PSMD1: variants seen among roughly 807,000 people sequenced by gnomAD.
The protein encoded by PSMD1 is proteasome 26S subunit, non-ATPase 1, also known as 26S proteasome non-ATPase regulatory subunit 1.
Under a neutral mutation model 119.0 loss-of-function variants are expected in PSMD1, and 18 were observed. That is an observed-to-expected ratio of 0.15 (90% CI 0.10 to 0.22). PSMD1 has a LOEUF of 0.22. PSMD1 is among the 10% of genes least tolerant of loss of function. PSMD1 has a pLI of 1.00. For synonymous variants in PSMD1, 374 were observed against 396.6 expected (o/e 0.94, Z 0.68); for missense variants, 702 against 1,158.5 (o/e 0.61, Z 5.72).
At chr2:231,061,423 A>G in intron 2 of PSMD1, 113 bp downstream of exon 2, 4 of 860,292 alleles carry the variant, frequency 4.6e-6, no homozygotes, top group Non-Finnish European at 7.0e-6. Flanking sequence ...GCTGGCTTGT[A>G]CCCAGTTACT....
At chr2:231,118,775 A>G (rs1276162683) in intron 16 of PSMD1, among the ~76,000 whole-genome samples, 1 of 152,220 alleles carries the variant, frequency 6.6e-6, no homozygotes, top group Non-Finnish European at 1.5e-5. Flanking sequence ...AATCTGGGAC[A>G]TAAAATGTTT....
At chr2:231,139,096 A>T (rs2125247730) in intron 17 of PSMD1, 3 of 520,940 alleles carry the variant, frequency 5.8e-6, no homozygotes, top group Non-Finnish European at 1.1e-5. Flanking sequence ...TCTTTTTGAA[A>T]TCATTGATTT....
At chr2:231,153,739 T>C in intron 19 of PSMD1, 73 bp downstream of exon 19, 1 of 1,070,984 alleles carries the variant, frequency 9.3e-7, no homozygotes. Context: ...GCTCTAACTA[T>C]ATGACATAAT....
Position 231,070,280 on chromosome 2 carries a change from T to A in PSMD1, c.654+112T>A. ...ACTATAATGGCTTTATACATGTATC[T>A]CAGCTGATCTTCACAGCAGCCCTGT... On this transcript the variant is annotated intron_variant, in intron 6 of 24. Coordinates refer to ENST00000308696, the MANE Select transcript of PSMD1 (RefSeq NM_002807.4). 3.4e-6 allele frequency: 3 copies of A among 872,214 alleles called. No homozygotes were observed. The South Asian group carries it at 1.7e-4, about 51-fold the overall frequency. 54.0% of individuals were successfully genotyped at this position (872,214 alleles called of 1,614,324 possible).
intron 4 of PSMD1, among the ~76,000 whole-genome samples, chr2:231,065,215 A>T (rs191482409): frequency 4.5e-4 from 68 of 151,774 alleles, no homozygotes; most frequent in African/African-American, 1.4e-3. Context: ...CCAATGAATT[A>T]TGGAGAGGAT....
Position 231,170,396 on chromosome 2 carries a change from A to G in PSMD1, c.2716-170A>G, listed in dbSNP as rs953065336. 2 of 627,210 alleles carry G rather than the reference A, an allele frequency of 3.2e-6. No individual in the cohort carries two copies. Among genetic ancestry groups the G allele is most frequent in the Non-Finnish European group, 4.9e-6 (2 of 410,070 alleles). The allele number at this position is 627,210 out of a possible 1,614,324, so 38.9% of individuals were successfully genotyped here. The stretch of plus-strand genomic sequence containing the variant: ...CTAGAGCTACTGGGTTAAGTTTGCA[A>G]ATACTTCGTATAGATCACAGTTATC... On this transcript the variant is annotated intron_variant, in intron 23 of 24. Transcript: ENST00000308696. The surrounding 1 kb of genome is among the most constrained non-coding windows in gnomAD (Gnocchi z 4.1).
intron 16 of PSMD1, among the ~76,000 whole-genome samples, chr2:231,138,154 A>G (rs1696015858): frequency 1.3e-5 from 2 of 152,184 alleles, no homozygotes; most frequent in Non-Finnish European, 2.9e-5. Context: ...AGTTTGTCCT[A>G]TTTTTTATCT....
chr2:231,091,408 A>G (rs979215232), intron 16 of PSMD1, among the ~76,000 whole-genome samples: 3 of 152,120 alleles, frequency 2.0e-5, no homozygotes, highest in Non-Finnish European at 4.4e-5. Flanking sequence ...TAAGGTTTGC[A>G]TCTTTCCCTA....
chr2:231,060,265 T>C (rs975398979), intron 1 of PSMD1: 6 of 152,238 alleles, frequency 3.9e-5, no homozygotes, highest in Admixed American at 3.9e-4. Context: ...TATGCTACTT[T>C]AGTTTTGCTT....
intron 16 of PSMD1, among the ~76,000 whole-genome samples, chr2:231,098,952 A>C (rs960265035): frequency 1.3e-5 from 2 of 152,196 alleles, no homozygotes; most frequent in African/African-American, 4.8e-5. Flanking sequence ...AATTCTGAAT[A>C]TCTTTTTTAC....
chr2:231,164,620 C>T (rs1245462797), intron 21 of PSMD1, among the ~76,000 whole-genome samples: 1 of 151,838 alleles, frequency 6.6e-6, no homozygotes, highest in Admixed American at 6.6e-5. Flanking sequence ...TGTTTCAGAC[C>T]CTCCTTTGGG....
chr2:231,116,433 C>G (rs1052837205), intron 16 of PSMD1, among the ~76,000 whole-genome samples: 1 of 151,996 alleles, frequency 6.6e-6, no homozygotes, highest in Non-Finnish European at 1.5e-5. Context: ...CTCTCTGTAA[C>G]ATCTTTTAAA....
At chr2:231,057,092 G>A (rs781466572) in intron 1 of PSMD1, 51 bp downstream of exon 1, 1 of 1,476,766 alleles carries the variant, frequency 6.8e-7, no homozygotes, top group African/African-American at 1.5e-5. Flanking sequence ...CCGCCGCGCC[G>A]GCTTTTAGCT....
In PSMD1 at chr2:231,130,060, C is replaced by T. The variant is rs558333118; in HGVS notation, c.1884-8676C>T. ...GTAGAGACGGGCTTCACTGTGTTGG[C>T]CAGGCTGGTCTCAAACTCCTGACCT... On this transcript the variant is annotated intron_variant, in intron 16 of 24. Coordinates refer to ENST00000308696, the MANE Select transcript of PSMD1 (RefSeq NM_002807.4). 1.6e-4 allele frequency among the ~76,000 whole-genome samples: 25 copies of T among 152,226 alleles called. No individual in the cohort carries two copies. In the South Asian group the frequency reaches 5.2e-3, roughly 32 times the overall value.
In PSMD1 at chr2:231,123,903, AAAAATT is replaced by A. The variant is rs1250176470; in HGVS notation, c.1884-14832_1884-14827del. 4 of 715,106 alleles carry A rather than the reference AAAAATT, an allele frequency of 5.6e-6. No homozygotes were observed. The Admixed American group carries it at 8.3e-5, about 15-fold the overall frequency. 44.3% of individuals were successfully genotyped at this position (715,106 alleles called of 1,614,324 possible). On this transcript the variant is annotated intron_variant, in intron 16 of 24. Transcript: ENST00000308696. ...AAAGTTGACACCTTCCTTTAAAAAA[AAAAATT>A]CAAGTTCTCTAAAATGAGCGCATAC...
chr2:231,058,137 G>A (rs1166531323), intron 1 of PSMD1, among the ~76,000 whole-genome samples: 2 of 152,216 alleles, frequency 1.3e-5, no homozygotes, highest in East Asian at 1.9e-4. Flanking sequence ...GTGATCGCGA[G>A]ATGAATTTTA....
At chr2:231,124,042 G>T in intron 16 of PSMD1, 1 of 364,682 alleles carries the variant, frequency 2.7e-6, no homozygotes. Flanking sequence ...GAAAAAAATA[G>T]GATATATATA....
intron 17 of PSMD1, among the ~76,000 whole-genome samples, chr2:231,141,387 A>G (rs899818524): frequency 3.6e-5 from 5 of 139,396 alleles, no homozygotes; most frequent in Admixed American, 7.2e-5. Context: ...CCTTTCCAGT[A>G]TTTCATCCTA....
intron 16 of PSMD1, among the ~76,000 whole-genome samples, chr2:231,106,421 C>G (rs1490011877): frequency 6.6e-6 from 1 of 152,058 alleles, no homozygotes; most frequent in South Asian, 2.1e-4. Context: ...GAGTGGAGAC[C>G]AGGCTGACCA....
Sources: allele counts gnomAD v4.1 joint callset (sites outside exome capture counted in the v4.1 genomes callset), GRCh38; gene constraint gnomAD v4.1.1; non-coding constraint Gnocchi (gnomAD v3.1); transcripts MANE v1.5; gene names NCBI Gene and HGNC (gene_info 2026-07-23, HGNC 2026-07-21).